The following BRD1 variants were observed in gnomAD, a reference collection of about 807,000 sequenced individuals.
BRD1 encodes bromodomain containing 1, also known as bromodomain-containing protein 1.
A neutral mutation model predicts 107.7 loss-of-function variants in BRD1; 24 were observed. That is an observed-to-expected ratio of 0.22 (90% CI 0.16 to 0.31). BRD1 has a LOEUF of 0.31. Among genes scored for constraint, BRD1 ranks in the 10% least tolerant of loss-of-function variants. BRD1 has a pLI of 1.00. For synonymous variants in BRD1, 744 were observed against 686.1 expected (o/e 1.08, Z -1.32); for missense variants, 1,279 against 1,638.6 (o/e 0.78, Z 3.79).
chr22:49,796,033 C>T (rs147597700), intron 6 of BRD1, among the ~76,000 whole-genome samples: 7 of 152,194 alleles, frequency 4.6e-5, no homozygotes, highest in South Asian at 4.2e-4. Context: ...CCAAGAAAAA[C>T]GTGTTACTCT....
rs868785936 is a variant in BRD1, at chr22:49,792,573, G to A, written c.2359+1461C>T. Among the ~76,000 whole-genome samples, 3 of 152,226 alleles carry A rather than the reference G, an allele frequency of 2.0e-5. No homozygotes were observed. The highest frequency in any genetic ancestry group is 2.1e-4 in the South Asian group (1 of 4,836). ...AACAATAACAGCCTTTGGGAGAAGA[G>A]AAAACCAAGCGCTCACCTTGAAATA... On this transcript the variant is annotated intron_variant, in intron 7 of 12. Coordinates refer to ENST00000404760, the MANE Select transcript of BRD1 (RefSeq NM_001304808.3). This position sits in a 1 kb window ranked among gnomAD's most constrained non-coding sequence, Gnocchi z 4.2.
At chr22:49,822,875 C>G in intron 2 of BRD1, 76 bp downstream of exon 2, 1 of 1,539,216 alleles carries the variant, frequency 6.5e-7, no homozygotes, top group African/African-American at 1.4e-5. Flanking sequence ...AGCACGGGCC[C>G]TGCAGGCTGT....
chr22:49,823,510 C>T lies in BRD1; in HGVS notation c.808G>A (p.Asp270Asn), dbSNP rs1281211435. Residue 270 changes from aspartate to asparagine, a missense_variant, in exon 2 of 13, where the codon GAC (aspartate) becomes AAC (asparagine). Asp to Asn is a conservative substitution (Grantham distance 23). Around this residue, in one of 7 missense-constraint regions of BRD1, gnomAD observed 158 missense variants for 310.2 expected, o/e 0.51. Coordinates refer to ENST00000404760, the MANE Select transcript of BRD1 (RefSeq NM_001304808.3). ...CCCTTGTTGGGGCACAGCACACAGT[C>T]GGCGGGCCGGGCCCGCGACTGCAGG... ...HCLQSRARPA[D>N]CVLCPNKGGA... 1.9e-6 allele frequency: 3 copies of T among 1,602,954 alleles called. No homozygotes were observed. Among genetic ancestry groups the T allele is most frequent in the Middle Eastern group, 1.7e-4 (1 of 6,044 alleles).
At position 49,773,366 on chromosome 22, in the gene BRD1, TAA is replaced by T. The variant is rs1391756538; in HGVS notation, c.*865_*866del. 5 of 151,754 alleles carry T rather than the reference TAA, an allele frequency of 3.3e-5. No homozygotes were observed. In the East Asian group the frequency reaches 1.0e-3, roughly 31 times the overall value. 9.4% of individuals were successfully genotyped at this position (151,754 alleles called of 1,614,324 possible). ...TTCCCCAACATAATGCTTTACCTCT[TAA>T]AAATAAAAATAAAGTACTAATTCTA... is the stretch of plus-strand genomic sequence containing the variant. On this transcript the variant is annotated 3_prime_UTR_variant, in exon 13 of 13. Coordinates refer to ENST00000404760, the MANE Select transcript of BRD1 (RefSeq NM_001304808.3).
Position 49,824,458 on chromosome 22 carries a change from T to G in BRD1, c.-14-127A>C. On this transcript the variant is annotated intron_variant, in intron 1 of 12. Coordinates refer to ENST00000404760, the MANE Select transcript of BRD1 (RefSeq NM_001304808.3). The surrounding 1 kb of genome is among the most constrained non-coding windows in gnomAD (Gnocchi z 5.9). Reference sequence around the variant, plus strand: ...GCCCAATCAAAGCAAAACTCACAGCTAACCTCTTTCCAAGGTGTCCAAAAC... The same window carrying G: ...GCCCAATCAAAGCAAAACTCACAGCGAACCTCTTTCCAAGGTGTCCAAAAC... 6.9e-7 allele frequency: 1 copy of G among 1,458,294 alleles called. No individual in the cohort carries two copies. The highest frequency in any genetic ancestry group is 9.0e-7 in the Non-Finnish European group (1 of 1,112,456). The allele number at this position is 1,458,294 out of a possible 1,614,324, so 90.3% of individuals were successfully genotyped here. A position where few individuals can be genotyped will look rare whatever the true frequency, so the allele number is the denominator to read the frequency against.
At position 49,823,484 on chromosome 22, in the gene BRD1, A is replaced by C; in HGVS notation, c.834T>G (p.Gly278=). The stretch of plus-strand genomic sequence containing the variant: ...CGTCATCTGTCTTTTTGAAGGCACC[A>C]CCCTTGTTGGGGCACAGCACACAGT... ...PADCVLCPNK[G]GAFKKTDDDR... is the part of the protein sequence containing the mutation. Residue 278 remains glycine (G), a synonymous_variant, in exon 2 of 13, where the codon GGT becomes GGG. Coordinates refer to ENST00000404760, the MANE Select transcript of BRD1 (RefSeq NM_001304808.3). The C allele has an allele frequency of 1.2e-6, 2 of 1,606,286 alleles. No homozygotes were observed. Among genetic ancestry groups the C allele is most frequent in the South Asian group, 1.1e-5 (1 of 91,008 alleles).
intron 8 of BRD1, among the ~76,000 whole-genome samples, chr22:49,784,403 G>A (rs2059281064): frequency 6.6e-6 from 1 of 152,180 alleles, no homozygotes; most frequent in African/African-American, 2.4e-5. Flanking sequence ...GCCGCTTCAG[G>A]TGACGGTTCA....
chr22:49,799,058 C>T lies in BRD1; in HGVS notation c.1586G>A (p.Arg529Gln). The change falls in exon 4 of 13, where the codon CGG (arginine) becomes CAG (glutamine). Residue 529 changes from arginine to glutamine, a missense_variant. Arg to Gln is a conservative substitution (Grantham distance 43). This residue lies in a region of BRD1 where 406 missense variants were observed against 519.4 expected (regional missense o/e 0.78). Coordinates refer to ENST00000404760, the MANE Select transcript of BRD1 (RefSeq NM_001304808.3). ...KEKLKYWQRL[R>Q]HDLERARLLI... The stretch of plus-strand genomic sequence containing the variant: ...CAGGCGAGCGCGCTCCAGGTCGTGC[C>T]GCAGCCGCTGCCAGTACTTCAGCTT... 1 of 1,611,312 alleles carries T rather than the reference C, an allele frequency of 6.2e-7. No individual in the cohort carries two copies. The highest frequency in any genetic ancestry group is 8.5e-7 in the Non-Finnish European group (1 of 1,179,964).
chr22:49,804,194 A>G lies in BRD1; in HGVS notation c.1524+10T>C. On this transcript the variant is annotated intron_variant, in intron 3 of 12. Coordinates refer to ENST00000404760, the MANE Select transcript of BRD1 (RefSeq NM_001304808.3). ...ACGCAGAAAGGCTGTGGGGGCCACGAGCCACGTACCTGCTGTGAGCTTCGC... is the reference window on the plus strand; with the variant it reads ...ACGCAGAAAGGCTGTGGGGGCCACGGGCCACGTACCTGCTGTGAGCTTCGC... 1 of 1,565,184 alleles carries G rather than the reference A, an allele frequency of 6.4e-7. No individual in the cohort carries two copies. The highest frequency in any genetic ancestry group is 1.8e-5 in the Admixed American group (1 of 55,926).
At chr22:49,815,750 T>G in intron 2 of BRD1, among the ~76,000 whole-genome samples, 1 of 152,202 alleles carries the variant, frequency 6.6e-6, no homozygotes, top group East Asian at 1.9e-4. Context: ...CTGTTCCTCA[T>G]ACAGGAGAGC....
At chr22:49,822,045 G>C (rs1163230043) in intron 2 of BRD1, among the ~76,000 whole-genome samples, 1 of 152,260 alleles carries the variant, frequency 6.6e-6, no homozygotes, top group Admixed American at 6.5e-5. Context: ...GGGAAGCCCA[G>C]GCCAGAGCCC....
intron 6 of BRD1, among the ~76,000 whole-genome samples, chr22:49,796,670 T>G (rs2059538126): frequency 6.6e-6 from 1 of 152,234 alleles, no homozygotes; most frequent in African/African-American, 2.4e-5. Flanking sequence ...ATCCCCAGTC[T>G]TTAAAAGAGT....
At chr22:49,807,103 G>T (rs765708491) in intron 2 of BRD1, 4 of 151,908 alleles carry the variant, frequency 2.6e-5, no homozygotes, top group Non-Finnish European at 5.9e-5. Flanking sequence ...GTTAAGCCCA[G>T]TCTACATGCT....
intron 7 of BRD1, among the ~76,000 whole-genome samples, chr22:49,789,709 G>A (rs2059396828): frequency 6.6e-6 from 1 of 152,128 alleles, no homozygotes; most frequent in African/African-American, 2.4e-5. Flanking sequence ...CTTCTCCACA[G>A]CTATCTAACG....
chr22:49,818,042 G>A (rs61418973), intron 2 of BRD1, among the ~76,000 whole-genome samples: 1,628 of 152,316 alleles, frequency 0.011, 25 homozygotes, highest in African/African-American at 0.037. Context: ...TTTAAAGTTC[G>A]CCACGTATTT....
At chr22:49,826,215 G>A (rs2060147390) in intron 1 of BRD1, 1 of 985,426 alleles carries the variant, frequency 1.0e-6, no homozygotes, top group African/African-American at 1.7e-5. Flanking sequence ...CTAACGACAA[G>A]CAGCCCCTGG....
chr22:49,818,560 A>G (rs1235793902), intron 2 of BRD1, among the ~76,000 whole-genome samples: 1 of 152,184 alleles, frequency 6.6e-6, no homozygotes, highest in Non-Finnish European at 1.5e-5. Context: ...TGCAAATGGA[A>G]AAGACTTTCC....
In BRD1 at chr22:49,824,331, C is replaced by T; in HGVS notation, c.-14G>A. On this transcript the variant is annotated splice_region_variant and 5_prime_UTR_variant, in exon 2 of 13. Coordinates refer to ENST00000404760, the MANE Select transcript of BRD1 (RefSeq NM_001304808.3). This position sits in a 1 kb window ranked among gnomAD's most constrained non-coding sequence, Gnocchi z 5.9. ...TTTCCTCCTCATTTGGTAATGATTA[C>T]CTAAAATGAAGGCAAAAGTAAAGGT... The T allele has an allele frequency of 1.9e-6, 3 of 1,609,202 alleles. No homozygotes were observed. The highest frequency in any genetic ancestry group is 2.5e-6 in the Non-Finnish European group (3 of 1,176,940).
At chr22:49,775,330 C>T (rs2059059888) in intron 12 of BRD1, 1 of 291,158 alleles carries the variant, frequency 3.4e-6, no homozygotes, top group Non-Finnish European at 6.3e-6. Context: ...ACAGTCCAGA[C>T]CAATGGGGCT....
Sources: gnomAD v4.1 joint callset for allele counts (sites outside exome capture counted in the v4.1 genomes callset) on GRCh38, gnomAD v4.1.1 for gene constraint, gnomAD v4.1.1 regional missense constraint, Gnocchi (gnomAD v3.1) non-coding constraint, MANE v1.5 for transcripts, NCBI Gene and HGNC (gene_info 2026-07-23, HGNC 2026-07-21) for gene names.